The following ASB4 variants were observed in gnomAD, a reference collection of about 807,000 sequenced individuals.
ASB4 encodes the protein ankyrin repeat and SOCS box protein 4.
In ASB4, 35 loss-of-function variants were observed where a neutral mutation model predicts 38.6. The observed-to-expected ratio is 0.91, with a 90% CI of 0.69 to 1.20. The LOEUF (loss-of-function observed/expected upper bound fraction) is 1.20, where lower values mean the gene tolerates loss of function less well. Ranked by LOEUF, ASB4 falls within the 50% of genes most tolerant of loss-of-function variation. The pLI is 0.00. For missense variants in ASB4, 557 were observed against 527.2 expected (o/e 1.06, Z -0.55); for synonymous variants, 195 against 201.3 (o/e 0.97, Z 0.26).
intron 1 of ASB4, among the ~76,000 whole-genome samples, chr7:95,489,944 G>A (rs1306404522): frequency 1.3e-5 from 2 of 152,158 alleles, no homozygotes; most frequent in African/African-American, 4.8e-5. Flanking sequence ...TTACCAACTT[G>A]ATCTTCCTTC....
At chr7:95,485,109 T>C (rs536001493), upstream of ASB4, among the ~76,000 whole-genome samples, 47 of 151,914 alleles carry the variant, frequency 3.1e-4, no homozygotes, top group African/African-American at 1.1e-3. Flanking sequence ...TCTGCATTTC[T>C]GAGCTATTTT....
intron 3 of ASB4, among the ~76,000 whole-genome samples, chr7:95,532,733 G>A (rs979992577): frequency 2.0e-5 from 3 of 152,164 alleles, no homozygotes; most frequent in South Asian, 4.2e-4. Context: ...AAGAGATTGT[G>A]TATTAATCCA....
chr7:95,505,540 G>A (rs1790395386), intron 2 of ASB4, among the ~76,000 whole-genome samples: 1 of 152,060 alleles, frequency 6.6e-6, no homozygotes, highest in Admixed American at 6.5e-5. Flanking sequence ...GATTAGTTTG[G>A]TATTTAGCTC....
chr7:95,494,466 C>T (rs1790217497), intron 1 of ASB4, among the ~76,000 whole-genome samples: 1 of 152,148 alleles, frequency 6.6e-6, no homozygotes, highest in African/African-American at 2.4e-5. Flanking sequence ...AATAAATGAC[C>T]ATTAAATCAT....
intron 2 of ASB4, among the ~76,000 whole-genome samples, chr7:95,500,335 G>A (rs1790317199): frequency 6.6e-6 from 1 of 152,030 alleles, no homozygotes; most frequent in Admixed American, 6.5e-5. Context: ...GGGAGGCTGA[G>A]GCAGGAGGAC....
intron 2 of ASB4, among the ~76,000 whole-genome samples, chr7:95,523,164 T>C (rs1286928510): frequency 6.6e-6 from 1 of 152,170 alleles, no homozygotes; most frequent in African/African-American, 2.4e-5. Flanking sequence ...TTTTTTAACA[T>C]TTATAAAAAC....
chr7:95,495,634 C>A, intron 1 of ASB4, 124 bp from the exon 2 acceptor site: 1 of 920,766 alleles, frequency 1.1e-6, no homozygotes, highest in Non-Finnish European at 1.6e-6. Context: ...CTCTGTCATC[C>A]CCTCTCCACC....
chr7:95,499,138 G>C (rs1210467805), intron 2 of ASB4, among the ~76,000 whole-genome samples: 1 of 152,242 alleles, frequency 6.6e-6, no homozygotes, highest in East Asian at 1.9e-4. Flanking sequence ...TGAAACTTCA[G>C]TGAAAATGTC....
chr7:95,499,663 A>T (rs1790302477), intron 2 of ASB4, among the ~76,000 whole-genome samples: 1 of 152,186 alleles, frequency 6.6e-6, no homozygotes, highest in African/African-American at 2.4e-5. Context: ...AGAAGTGAAC[A>T]TAAGAAGAGC....
intron 2 of ASB4, among the ~76,000 whole-genome samples, chr7:95,499,301 A>T (rs1235857503): frequency 2.6e-5 from 4 of 152,254 alleles, no homozygotes; most frequent in Admixed American, 2.6e-4. Context: ...AAGTGAATCT[A>T]TGAAAAAGCC....
Position 95,528,022 on chromosome 7 carries a change from C to A in ASB4, c.697C>A (p.Leu233Met), listed in dbSNP as rs368450255. ...KEQEYSTEHH[L>M]VCRMLLDYKA... ...GCAGGAGTACAGCACGGAGCACCAC[C>A]TGGTCTGCCGCATGCTGCTTGACTA... The change falls in exon 3 of 5, where the codon CTG (leucine) becomes ATG (methionine). Residue 233 changes from leucine to methionine, a missense_variant. Leu to Met is a conservative substitution (Grantham distance 15, BLOSUM62 2). Coordinates refer to ENST00000325885, the MANE Select transcript of ASB4 (RefSeq NM_016116.3). 1 of 1,614,160 alleles carries A rather than the reference C, an allele frequency of 6.2e-7. No individual in the cohort carries two copies. Among genetic ancestry groups the A allele is most frequent in the South Asian group, 1.1e-5 (1 of 91,078 alleles).
At chr7:95,509,436 A>T (rs937476929) in intron 2 of ASB4, among the ~76,000 whole-genome samples, 1 of 152,180 alleles carries the variant, frequency 6.6e-6, no homozygotes, top group Non-Finnish European at 1.5e-5. Context: ...GGGCTCATTA[A>T]TCCTCTATTC....
the ASB4 span, among the ~76,000 whole-genome samples, chr7:95,549,887 C>T: frequency 1.3e-5 from 2 of 152,108 alleles, no homozygotes; most frequent in Admixed American, 6.6e-5. Flanking sequence ...GGGAGTTTGA[C>T]GAGCAGGGAG....
At chr7:95,542,324 A>C (rs544649786), downstream of ASB4, 3 of 152,322 alleles carry the variant, frequency 2.0e-5, no homozygotes, top group East Asian at 5.8e-4. Context: ...CAAAACCTAC[A>C]TTTCAGTGAT....
intron 2 of ASB4, among the ~76,000 whole-genome samples, chr7:95,522,861 C>G (rs1191494675): frequency 6.6e-6 from 1 of 152,146 alleles, no homozygotes; most frequent in Non-Finnish European, 1.5e-5. Flanking sequence ...TTATCTCTCT[C>G]ATTTACTATA....
At chr7:95,485,602 C>T (rs975562162), upstream of ASB4, among the ~76,000 whole-genome samples, 8 of 152,044 alleles carry the variant, frequency 5.3e-5, no homozygotes, top group Admixed American at 1.3e-4. Context: ...CAGCCAGGCA[C>T]CAGATGTTTT....
the ASB4 span, chr7:95,471,860 C>T: frequency 1.3e-5 from 2 of 151,216 alleles, no homozygotes; most frequent in Admixed American, 6.6e-5. Context: ...TAGGCAGGTA[C>T]TATTATTATC....
chr7:95,536,399 G>A, intron 3 of ASB4, 38 bp from the exon 4 acceptor site: 1 of 1,291,996 alleles, frequency 7.7e-7, no homozygotes, highest in Non-Finnish European at 1.1e-6. Context: ...AACCATATAT[G>A]TGCATCAAAC....
In ASB4 at chr7:95,540,145, A is replaced by AT. The variant is rs1220620360; in HGVS notation, c.*2393dup. The AT allele has an allele frequency of 6.6e-6, 1 of 152,040 alleles. No individual in the cohort carries two copies. The highest frequency in any genetic ancestry group is 1.5e-5 in the Non-Finnish European group (1 of 67,990). 9.4% of individuals were successfully genotyped at this position (152,040 alleles called of 1,614,324 possible). A position where few individuals can be genotyped will look rare whatever the true frequency, so the allele number is the denominator to read the frequency against. On this transcript the variant is annotated 3_prime_UTR_variant, in exon 5 of 5. Coordinates refer to ENST00000325885, the MANE Select transcript of ASB4 (RefSeq NM_016116.3). ...TAGAATACATGGCTACTTGTTTGTA[A>AT]TTTTTTTATTGGTGGAATTAAAGTA... is the stretch of plus-strand genomic sequence containing the variant.
Sources: gnomAD v4.1 joint callset for allele counts (sites outside exome capture counted in the v4.1 genomes callset) on GRCh38, gnomAD v4.1.1 for gene constraint, MANE v1.5 for transcripts, NCBI Gene and HGNC (gene_info 2026-07-23, HGNC 2026-07-21) for gene names.